The following KCTD2 variants were observed in gnomAD, a reference collection of about 807,000 sequenced individuals.
KCTD2 encodes potassium channel tetramerization domain containing 2, also known as BTB/POZ domain-containing protein KCTD2.
A neutral mutation model predicts 27.9 loss-of-function variants in KCTD2; 18 were observed. That is an observed-to-expected ratio of 0.64 (90% confidence interval 0.45 to 0.96). The LOEUF (loss-of-function observed/expected upper bound fraction) is 0.96, where lower values mean the gene tolerates loss of function less well. Among genes scored for constraint, KCTD2 ranks in the 40% least tolerant of loss-of-function variants. The probability of loss-of-function intolerance (pLI) is 0.00; values close to 1 mark genes in which losing one functional copy is unlikely to be tolerated. For missense variants in KCTD2, 280 were observed against 348.0 expected (o/e 0.80, Z 1.56); for synonymous variants, 175 against 148.4 (o/e 1.18, Z -1.30).
chr17:75,060,505 C>G (rs35041866), intron 4 of KCTD2: 22 of 1,612,132 alleles, frequency 1.4e-5, no homozygotes, highest in Non-Finnish European at 1.9e-5. Context: ...CAGACAACAG[C>G]GCGACAGCCA....
At position 75,049,218 on chromosome 17, in the gene KCTD2, A is replaced by T; in HGVS notation, c.340-2A>T. The T allele has an allele frequency of 6.3e-7, 1 of 1,591,528 alleles. No individual in the cohort carries two copies. Among genetic ancestry groups the T allele is most frequent in the Non-Finnish European group, 8.6e-7 (1 of 1,160,482 alleles). On this transcript the variant is annotated splice_acceptor_variant, in intron 1 of 5. Coordinates refer to ENST00000322444, the MANE Select transcript of KCTD2 (RefSeq NM_015353.3). LOFTEE classifies it high-confidence loss of function. ...AATGATACCCTTGTGTTTGGTTGGC[A>T]GGATGAGACAGGAGCCTATCTGATT...
At chr17:75,035,237 G>C (rs1000534448) in exon 3 of KCTD2, 1 of 152,096 alleles carries the variant, frequency 6.6e-6, no homozygotes, top group Non-Finnish European at 1.5e-5. Flanking sequence ...TTTAGACCCA[G>C]AAACGCCTCC....
intron 3 of KCTD2, 27 bp downstream of exon 3, chr17:75,053,132 G>A: frequency 6.3e-7 from 1 of 1,575,128 alleles, no homozygotes; most frequent in Non-Finnish European, 8.7e-7. Context: ...TGTTAAGGAG[G>A]GTTGTTTCAA....
rs2073423533 is a variant in KCTD2, at chr17:75,063,337, G to C, written c.*290G>C. ...AGCAGCTGGGCTGGGTTCCCAGTCG[G>C]AGCCTTTCGGGGATCTGGGGGATGA... On this transcript the variant is annotated 3_prime_UTR_variant, in exon 6 of 6. Coordinates refer to ENST00000322444, the MANE Select transcript of KCTD2 (RefSeq NM_015353.3). 9.0e-6 allele frequency: 4 copies of C among 443,944 alleles called. No individual in the cohort carries two copies. The highest frequency in any genetic ancestry group is 1.7e-5 in the Non-Finnish European group (4 of 242,408). The allele number at this position is 443,944 out of a possible 1,614,324, so 27.5% of individuals were successfully genotyped here. A position where few individuals can be genotyped will look rare whatever the true frequency, so the allele number is the denominator to read the frequency against.
chr17:75,064,574 T>A lies in KCTD2; in HGVS notation c.*1527T>A, dbSNP rs2073437946. The A allele has an allele frequency of 6.6e-6, 1 of 152,238 alleles. No individual in the cohort carries two copies. Among genetic ancestry groups the A allele is most frequent in the African/African-American group, 2.4e-5 (1 of 41,434 alleles). The allele number at this position is 152,238 out of a possible 1,614,324, so 9.4% of individuals were successfully genotyped here. A position where few individuals can be genotyped will look rare whatever the true frequency, so the allele number is the denominator to read the frequency against. ...TGACCATGCCCAGATGGCATAACTT[T>A]TCCCTAGGACCCTCAGTCTCCTTGT... is the stretch of plus-strand genomic sequence containing the variant. On this transcript the variant is annotated 3_prime_UTR_variant, in exon 6 of 6. Transcript: ENST00000322444.
intron 3 of KCTD2, chr17:75,036,084 C>G: frequency 2.2e-6 from 1 of 453,596 alleles, no homozygotes; most frequent in South Asian, 1.6e-5. Flanking sequence ...GACGGAGTCT[C>G]GCTCTGTCAC....
At chr17:75,044,942 T>C (rs1375762546), upstream of KCTD2, among the ~76,000 whole-genome samples, 1 of 152,214 alleles carries the variant, frequency 6.6e-6, no homozygotes, top group African/African-American at 2.4e-5. Flanking sequence ...GCAATTGGCA[T>C]GTGATTTTAA....
intron 1 of KCTD2, 126 bp downstream of exon 1, chr17:75,047,715 C>A: frequency 1.2e-6 from 1 of 853,282 alleles, no homozygotes; most frequent in South Asian, 1.7e-5. Flanking sequence ...CATCCTCCCC[C>A]TCCCTCCCAC....
exon 3 of KCTD2, chr17:75,035,314 GC>G (rs1328336496): frequency 6.6e-6 from 1 of 152,176 alleles, no homozygotes; most frequent in African/African-American, 2.4e-5. Flanking sequence ...ATCAGGCTTT[GC>G]ATCCCGGGAC....
upstream of KCTD2, among the ~76,000 whole-genome samples, chr17:75,045,586 T>C (rs1234118495): frequency 6.6e-6 from 1 of 152,264 alleles, no homozygotes; most frequent in Admixed American, 6.5e-5. Context: ...AATTCAGCGA[T>C]ATTTCTCCCA....
chr17:75,035,832 A>G (rs1391086579), intron 3 of KCTD2, among the ~76,000 whole-genome samples: 1 of 151,940 alleles, frequency 6.6e-6, no homozygotes, highest in Non-Finnish European at 1.5e-5. Flanking sequence ...AAGCCGTCTC[A>G]AAACAAACAA....
At chr17:75,037,735 T>C (rs2144906440) in intron 3 of KCTD2, among the ~76,000 whole-genome samples, 1 of 152,300 alleles carries the variant, frequency 6.6e-6, no homozygotes, top group Admixed American at 6.5e-5. Context: ...GTGGGGATTT[T>C]AAAAATTAAG....
chr17:75,052,535 A>C (rs1424060570), intron 2 of KCTD2, among the ~76,000 whole-genome samples: 1 of 152,242 alleles, frequency 6.6e-6, no homozygotes, highest in Non-Finnish European at 1.5e-5. Flanking sequence ...CAGCCTGACC[A>C]ACATGATGAA....
intron 3 of KCTD2, chr17:75,039,894 C>G: frequency 1.6e-6 from 1 of 633,248 alleles, no homozygotes; most frequent in Non-Finnish European, 2.8e-6. Flanking sequence ...ATATGCTATA[C>G]TCTTCTTTTT....
intron 3 of KCTD2, among the ~76,000 whole-genome samples, chr17:75,037,959 G>A (rs1414951433): frequency 6.6e-6 from 1 of 151,922 alleles, no homozygotes; most frequent in African/African-American, 2.4e-5. Context: ...TAAGGCAGGA[G>A]AATGGCATGA....
At chr17:75,048,860 A>G (rs1294175164) in intron 1 of KCTD2, 2 of 164,200 alleles carry the variant, frequency 1.2e-5, no homozygotes, top group Non-Finnish European at 2.6e-5. Flanking sequence ...TCAGTTACAC[A>G]GCTACGGCAT....
rs769297666 is a variant in KCTD2, at chr17:75,063,002, C to T, written c.763-16C>T. 5 of 1,613,918 alleles carry T rather than the reference C, an allele frequency of 3.1e-6. No homozygotes were observed. The highest frequency in any genetic ancestry group is 2.2e-5 in the East Asian group (1 of 44,882). ...CCCTCAGCAGCCTCAGCCTCTCCCCCATCTCCAACTTTCAGATTCTTCAGG... is the reference window on the plus strand; with the variant it reads ...CCCTCAGCAGCCTCAGCCTCTCCCCTATCTCCAACTTTCAGATTCTTCAGG... On this transcript the variant is annotated splice_polypyrimidine_tract_variant and intron_variant, in intron 5 of 5. Coordinates refer to ENST00000322444, the MANE Select transcript of KCTD2 (RefSeq NM_015353.3).
At chr17:75,053,858 CTTTTTTTTTT>C (rs71159419) in intron 3 of KCTD2, among the ~76,000 whole-genome samples, 22 of 59,328 alleles carry the variant, frequency 3.7e-4, no homozygotes, top group African/African-American at 1.8e-3. Flanking sequence ...GTGAACCATG[CTTTTTTTTTT>C]TTTTTTTTTT....
intron 2 of KCTD2, 94 bp downstream of exon 2, chr17:75,049,422 G>A: frequency 1.3e-6 from 1 of 778,420 alleles, no homozygotes; most frequent in Non-Finnish European, 2.2e-6. Context: ...ATTTTCATCA[G>A]GCGCATGTGC....
Sources: gnomAD v4.1 joint callset for allele counts (sites outside exome capture counted in the v4.1 genomes callset) on GRCh38, gnomAD v4.1.1 for gene constraint, MANE v1.5 for transcripts, NCBI Gene and HGNC (gene_info 2026-07-23, HGNC 2026-07-21) for gene names.